Variants in RNGTT observed in about 807,000 individuals in gnomAD.
The protein encoded by RNGTT is RNA guanylyltransferase and 5'-phosphatase, also known as mRNA-capping enzyme.
In RNGTT, 33 loss-of-function variants were observed where a neutral mutation model predicts 79.3. The ratio of observed to expected loss-of-function variants is 0.42; its 90% CI spans 0.32 to 0.56. The LOEUF (loss-of-function observed/expected upper bound fraction) is 0.56. Among genes scored for constraint, RNGTT ranks in the 20% least tolerant of loss-of-function variants. The pLI is 0.17. For synonymous variants in RNGTT, 222 were observed against 235.9 expected (o/e 0.94, Z 0.54); for missense variants, 497 against 739.1 (o/e 0.67, Z 3.80).
At chr6:88,745,384 TAGA>T (rs2127827494) in intron 13 of RNGTT, among the ~76,000 whole-genome samples, 1 of 152,278 alleles carries the variant, frequency 6.6e-6, no homozygotes, top group Non-Finnish European at 1.5e-5. Flanking sequence ...GAGGATTCCC[TAGA>T]AGAACTCAAA....
chr6:88,837,022 C>T (rs1781104300), intron 11 of RNGTT, among the ~76,000 whole-genome samples: 1 of 152,108 alleles, frequency 6.6e-6, no homozygotes, highest in African/African-American at 2.4e-5. Flanking sequence ...AACCCAAACC[C>T]AAAGCACTAC....
At chr6:88,848,839 A>G (rs181185848) in intron 10 of RNGTT, among the ~76,000 whole-genome samples, 102 of 152,154 alleles carry the variant, frequency 6.7e-4, no homozygotes, top group Admixed American at 2.3e-3. Context: ...AAGAAAGTGG[A>G]CCAAAAGTAT....
intron 14 of RNGTT, among the ~76,000 whole-genome samples, chr6:88,655,940 T>A (rs1773961185): frequency 6.6e-6 from 1 of 152,144 alleles, no homozygotes; most frequent in African/African-American, 2.4e-5. Context: ...ACCTAAAGAA[T>A]TAGCATTAAG....
intron 10 of RNGTT, among the ~76,000 whole-genome samples, chr6:88,846,449 G>A (rs1036573556): frequency 1.5e-4 from 23 of 151,958 alleles, no homozygotes; most frequent in East Asian, 7.7e-4. Flanking sequence ...CTTACCATCC[G>A]TCAAGTATAC....
intron 8 of RNGTT, among the ~76,000 whole-genome samples, chr6:88,889,286 T>A (rs1298905223): frequency 2.0e-5 from 3 of 152,144 alleles, no homozygotes; most frequent in Non-Finnish European, 4.4e-5. Flanking sequence ...AAAATATTTT[T>A]AAATATTCCC....
intron 2 of RNGTT, among the ~76,000 whole-genome samples, chr6:88,936,974 T>A (rs935737615): frequency 2.6e-5 from 4 of 152,216 alleles, no homozygotes; most frequent in Admixed American, 2.6e-4. Context: ...CCTGATTCAA[T>A]CTTGGTAGGT....
chr6:88,916,714 TCA>T (rs1481226498), intron 4 of RNGTT, among the ~76,000 whole-genome samples: 3 of 152,146 alleles, frequency 2.0e-5, no homozygotes, highest in Non-Finnish European at 4.4e-5. Context: ...GCCAAAAAAA[TCA>T]CTTTAATCTC....
At chr6:88,801,354 G>A (rs1285745008) in intron 12 of RNGTT, among the ~76,000 whole-genome samples, 1 of 152,116 alleles carries the variant, frequency 6.6e-6, no homozygotes, top group African/African-American at 2.4e-5. Flanking sequence ...AAACAGATGG[G>A]TGCTCATTTT....
chr6:88,765,019 C>T (rs1046200487), intron 13 of RNGTT, among the ~76,000 whole-genome samples: 48 of 151,816 alleles, frequency 3.2e-4, no homozygotes, highest in Non-Finnish European at 5.0e-4. Flanking sequence ...GGTGAAACCC[C>T]GTCTCTACTA....
chr6:88,704,267 A>C (rs796894748), intron 13 of RNGTT, among the ~76,000 whole-genome samples: 175 of 113,414 alleles, frequency 1.5e-3, no homozygotes, highest in African/African-American at 8.7e-3. Flanking sequence ...CTCAAAAAAA[A>C]AAAAAAAAAA....
At chr6:88,696,408 A>T (rs76892342) in intron 13 of RNGTT, among the ~76,000 whole-genome samples, 3,936 of 152,274 alleles carry the variant, frequency 0.026, 97 homozygotes, top group Non-Finnish European at 0.035. Flanking sequence ...CATTAAATAC[A>T]AAATAGTTCC....
intron 12 of RNGTT, among the ~76,000 whole-genome samples, chr6:88,791,460 G>C (rs1476968723): frequency 6.6e-6 from 1 of 152,108 alleles, no homozygotes; most frequent in African/African-American, 2.4e-5. Flanking sequence ...GCCATCAAGT[G>C]TGTGGTAATG....
At chr6:88,827,591 T>C (rs1329949424) in intron 11 of RNGTT, among the ~76,000 whole-genome samples, 1 of 152,204 alleles carries the variant, frequency 6.6e-6, no homozygotes, top group Non-Finnish European at 1.5e-5. Context: ...CCAAGTGGTC[T>C]AGATCAGCAA....
rs1056515821 is a variant in RNGTT at position 88,653,110 on chromosome 6, C to A, written c.1506+25243G>T. Among the ~76,000 whole-genome samples, 7 of 152,072 alleles carry A rather than the reference C, an allele frequency of 4.6e-5. 1 individual carries two copies. Among genetic ancestry groups the A allele is most frequent in the Admixed American group, 4.6e-4 (7 of 15,266 alleles). On this transcript the variant is annotated intron_variant, in intron 14 of 15. Transcript: ENST00000369485. ...TGTCTCTGAAATTCAAGTAAGAGAA[C>A]TACTTCTTTTTAGAAGCAAAATACT...
intron 10 of RNGTT, 101 bp from the exon 11 acceptor site, chr6:88,844,622 G>A: frequency 9.0e-7 from 1 of 1,105,064 alleles, no homozygotes; most frequent in Non-Finnish European, 1.3e-6. Flanking sequence ...TGTGTAAACA[G>A]CATCCTCTGG....
intron 11 of RNGTT, among the ~76,000 whole-genome samples, chr6:88,816,022 G>C (rs1220088916): frequency 6.6e-6 from 1 of 152,048 alleles, no homozygotes; most frequent in African/African-American, 2.4e-5. Context: ...ATAAAAATAA[G>C]ACCTAAGATT....
chr6:88,866,397 A>G lies in RNGTT; in HGVS notation c.897-12633T>C, dbSNP rs530700957. On this transcript the variant is annotated intron_variant, in intron 8 of 15. Transcript: ENST00000369485. ...CAGACTAGATTCACAGACAAGAGCA[A>G]AAAGTATTCATACAGGCACTACCAA... 5.3e-5 allele frequency among the ~76,000 whole-genome samples: 8 copies of G among 152,278 alleles called. No homozygotes were observed. The South Asian group carries it at 1.7e-3, about 32-fold the overall frequency.
intron 1 of RNGTT, among the ~76,000 whole-genome samples, chr6:88,949,158 T>TAAAAAAA (rs1491197999): frequency 2.2e-4 from 4 of 18,006 alleles, no homozygotes; most frequent in African/African-American, 1.1e-3. Context: ...TAAAATAAAA[T>TAAAAAAA]GAAAAAAAAA....
At chr6:88,653,681 A>G (rs1357639503) in intron 14 of RNGTT, among the ~76,000 whole-genome samples, 2 of 152,238 alleles carry the variant, frequency 1.3e-5, no homozygotes, top group African/African-American at 4.8e-5. Context: ...GAGCTTTTAA[A>G]TAGTTTGATG....
Sources: allele counts gnomAD v4.1 joint callset (sites outside exome capture counted in the v4.1 genomes callset), GRCh38; gene constraint gnomAD v4.1.1; transcripts MANE v1.5; gene names NCBI Gene and HGNC (gene_info 2026-07-23, HGNC 2026-07-21).